The following CHERP variants were observed in gnomAD, a reference collection of about 807,000 sequenced individuals.
CHERP encodes calcium homeostasis endoplasmic reticulum protein, also known as ERPROT 213-21.
In CHERP, 8 loss-of-function variants were observed where a neutral mutation model predicts 113.8. The ratio of observed to expected loss-of-function variants is 0.07; its 90% CI spans 0.04 to 0.13. The LOEUF (loss-of-function observed/expected upper bound fraction) is 0.13. Among genes scored for constraint, CHERP ranks in the 10% least tolerant of loss-of-function variants. CHERP has a pLI of 1.00. For synonymous variants in CHERP, 559 were observed against 524.5 expected (o/e 1.07, Z -0.90); for missense variants, 884 against 1,298.2 (o/e 0.68, Z 4.90).
chr19:16,538,034 G>A lies in CHERP; in HGVS notation c.200-2398C>T, dbSNP rs114707417. On this transcript the variant is annotated intron_variant, in intron 2 of 16. Transcript: ENST00000546361. ...ACAGTTGAGGCCCAGGCTTTAAGGC[G>A]TGGGGTGCAGAACTGGCTGTACTGT... 6.7e-3 allele frequency among the ~76,000 whole-genome samples: 1,022 copies of A among 152,230 alleles called. 11 individuals are homozygous for A. The highest frequency in any genetic ancestry group is 0.022 in the African/African-American group (898 of 41,522).
At position 16,520,676 on chromosome 19, in the gene CHERP, G is replaced by T; in HGVS notation, c.2201+150C>A. 1 of 1,127,566 alleles carries T rather than the reference G, an allele frequency of 8.9e-7. No homozygotes were observed. Among genetic ancestry groups the T allele is most frequent in the Non-Finnish European group, 1.3e-6 (1 of 765,882 alleles). 69.8% of individuals were successfully genotyped at this position (1,127,566 alleles called of 1,614,324 possible). A position where few individuals can be genotyped will look rare whatever the true frequency, so the allele number is the denominator to read the frequency against. On this transcript the variant is annotated intron_variant, in intron 13 of 16. Coordinates refer to ENST00000546361, the MANE Select transcript of CHERP (RefSeq NM_006387.6). This position sits in a 1 kb window ranked among gnomAD's most constrained non-coding sequence, Gnocchi z 4.0. Reference sequence around the variant, plus strand: ...CCTAAATAGTGTGGCCGAGCCTGCTGCTGTGTGAATTCAGGCCTTGTGGAA... The same window carrying T: ...CCTAAATAGTGTGGCCGAGCCTGCTTCTGTGTGAATTCAGGCCTTGTGGAA...
rs1385149515 is a variant in CHERP at position 16,519,129 on chromosome 19, G to A, written c.*30C>T. 2.5e-6 allele frequency: 4 copies of A among 1,597,446 alleles called. No individual in the cohort carries two copies. Among genetic ancestry groups the A allele is most frequent in the African/African-American group, 1.3e-5 (1 of 74,626 alleles). On this transcript the variant is annotated 3_prime_UTR_variant, in exon 17 of 17. Transcript: ENST00000546361. This position sits in a 1 kb window ranked among gnomAD's most constrained non-coding sequence, Gnocchi z 6.0. ...GGAAGGTCCCACAGCCGGCACCGCT[G>A]GCCACCGGCGCGGCTCCCGGCATGG...
rs771814785 is a variant in CHERP, at chr19:16,530,951, G to C, written c.675-71C>G. ...CCGGCCACGCGCCCGTTACCATCGC[G>C]GCTCCAGCCTCAGCGCCCTCTGCCT... On this transcript the variant is annotated intron_variant, in intron 5 of 16. Coordinates refer to ENST00000546361, the MANE Select transcript of CHERP (RefSeq NM_006387.6). This position sits in a 1 kb window ranked among gnomAD's most constrained non-coding sequence, Gnocchi z 4.1. The C allele has an allele frequency of 3.8e-6, 6 of 1,571,506 alleles. No homozygotes were observed. Among genetic ancestry groups the C allele is most frequent in the Non-Finnish European group, 5.2e-6 (6 of 1,162,492 alleles).
At position 16,525,982 on chromosome 19, in the gene CHERP, G is replaced by A. The variant is rs755966424; in HGVS notation, c.1306-305C>T. Among the ~76,000 whole-genome samples, 1 of 152,200 alleles carries A rather than the reference G, an allele frequency of 6.6e-6. No homozygotes were observed. The highest frequency in any genetic ancestry group is 1.5e-5 in the Non-Finnish European group (1 of 68,016). On this transcript the variant is annotated intron_variant, in intron 9 of 16. Coordinates refer to ENST00000546361, the MANE Select transcript of CHERP (RefSeq NM_006387.6). The surrounding 1 kb of genome is among the most constrained non-coding windows in gnomAD (Gnocchi z 6.5). Reference sequence around the variant, plus strand: ...CCGCCCGCGCCACAAGGTGCTCCCCGCTACCACTGCCAGACAAACGCCAGC... The same window carrying A: ...CCGCCCGCGCCACAAGGTGCTCCCCACTACCACTGCCAGACAAACGCCAGC...
chr19:16,527,304 C>A (rs760854376), intron 9 of CHERP, among the ~76,000 whole-genome samples: 3 of 152,232 alleles, frequency 2.0e-5, no homozygotes, highest in Non-Finnish European at 4.4e-5. Context: ...GAGGTGGGAG[C>A]TGTCTTTATG....
chr19:16,531,669 C>T (rs1004255661), intron 5 of CHERP, among the ~76,000 whole-genome samples: 5 of 152,184 alleles, frequency 3.3e-5, no homozygotes, highest in South Asian at 2.1e-4. Context: ...ACTGTGCATC[C>T]GTGCAAGGCA....
rs553682943 is a variant in CHERP at position 16,523,930 on chromosome 19, C to G, written c.1742-640G>C. ...AGCAATAAATGTGCCAAGCGGTCTTCAAGCTGCATTTATAATCAGAAATGT... is the reference window on the plus strand; with the variant it reads ...AGCAATAAATGTGCCAAGCGGTCTTGAAGCTGCATTTATAATCAGAAATGT... On this transcript the variant is annotated intron_variant, in intron 10 of 16. Coordinates refer to ENST00000546361, the MANE Select transcript of CHERP (RefSeq NM_006387.6). This position sits in a 1 kb window ranked among gnomAD's most constrained non-coding sequence, Gnocchi z 4.0. Among the ~76,000 whole-genome samples, 8 of 152,362 alleles carry G rather than the reference C, an allele frequency of 5.3e-5. No individual in the cohort carries two copies. The highest frequency in any genetic ancestry group is 1.0e-4 in the Non-Finnish European group (7 of 68,042).
Position 16,523,360 on chromosome 19 carries a change from G to C in CHERP, c.1742-70C>G. On this transcript the variant is annotated intron_variant, in intron 10 of 16. Transcript: ENST00000546361. The surrounding 1 kb of genome is among the most constrained non-coding windows in gnomAD (Gnocchi z 4.0). The stretch of plus-strand genomic sequence containing the variant: ...CTCCCAGGCGACAAGTGCTGGAGGG[G>C]AGGGGCTCAGTGAAGGGCCAGGAGA... 5 of 1,571,684 alleles carry C rather than the reference G, an allele frequency of 3.2e-6. No homozygotes were observed. Among genetic ancestry groups the C allele is most frequent in the Non-Finnish European group, 4.3e-6 (5 of 1,157,832 alleles).
chr19:16,522,923 G>A (rs2085630037), intron 11 of CHERP, 129 bp downstream of exon 11: 2 of 1,091,442 alleles, frequency 1.8e-6, no homozygotes, highest in Non-Finnish European at 1.3e-6. Flanking sequence ...ACGGATCAGG[G>A]TCCCTAGGGA....
Position 16,519,272 on chromosome 19 carries a change from A to G in CHERP, c.2638T>C (p.Trp880Arg). The part of the protein sequence containing the change: ...PIKGGDVRDK[W>R]DQYKGVGVAL... ...ACGCCCACGCCTTTATACTGGTCCC[A>G]CTTATCCCGGACGTCCCCGCCCTTG... Residue 880 changes from tryptophan to arginine, a missense_variant, in exon 17 of 17, where the codon TGG becomes CGG. Physicochemically the swap from Trp to Arg is moderately radical, Grantham distance 101 (BLOSUM62 -3). Around this residue, in one of 8 missense-constraint regions of CHERP, gnomAD observed 42 missense variants for 105.1 expected, o/e 0.40. Coordinates refer to ENST00000546361, the MANE Select transcript of CHERP (RefSeq NM_006387.6). This position sits in a 1 kb window ranked among gnomAD's most constrained non-coding sequence, Gnocchi z 6.0. The G allele has an allele frequency of 6.2e-7, 1 of 1,613,972 alleles. No individual in the cohort carries two copies. The highest frequency in any genetic ancestry group is 8.5e-7 in the Non-Finnish European group (1 of 1,180,010).
Position 16,532,916 on chromosome 19 carries a change from A to C in CHERP, c.522+95T>G. 6.6e-7 allele frequency: 1 copy of C among 1,518,772 alleles called. No individual in the cohort carries two copies. Among genetic ancestry groups the C allele is most frequent in the South Asian group, 1.2e-5 (1 of 80,116 alleles). The allele number at this position is 1,518,772 out of a possible 1,614,324, so 94.1% of individuals were successfully genotyped here. On this transcript the variant is annotated intron_variant, in intron 4 of 16. Transcript: ENST00000546361. The surrounding 1 kb of genome is among the most constrained non-coding windows in gnomAD (Gnocchi z 4.4). ...CTCCAGGCGGGAGGGAAGGGCACCCATTGTAACAGCCCTTAGCCCAGATTG... is the reference window on the plus strand; with the variant it reads ...CTCCAGGCGGGAGGGAAGGGCACCCCTTGTAACAGCCCTTAGCCCAGATTG...
At chr19:16,537,607 GT>G (rs1285071054) in intron 2 of CHERP, among the ~76,000 whole-genome samples, 3 of 152,062 alleles carry the variant, frequency 2.0e-5, no homozygotes, top group Non-Finnish European at 4.4e-5. Flanking sequence ...CAGGCCAGAA[GT>G]AGCATGTGCC....
chr19:16,536,132 C>G (rs555597926), intron 2 of CHERP, among the ~76,000 whole-genome samples: 8 of 152,278 alleles, frequency 5.3e-5, no homozygotes, highest in African/African-American at 1.9e-4. Context: ...AAGCCGCACC[C>G]CCGAGCGCAC....
Position 16,530,936 on chromosome 19 carries a change from G to C in CHERP, c.675-56C>G, listed in dbSNP as rs555376586. On this transcript the variant is annotated intron_variant, in intron 5 of 16. Coordinates refer to ENST00000546361, the MANE Select transcript of CHERP (RefSeq NM_006387.6). The surrounding 1 kb of genome is among the most constrained non-coding windows in gnomAD (Gnocchi z 4.1). Reference sequence around the variant, plus strand: ...GCCCTGGGGCGGGACCCGGCCACGCGCCCGTTACCATCGCGGCTCCAGCCT... The same window carrying C: ...GCCCTGGGGCGGGACCCGGCCACGCCCCCGTTACCATCGCGGCTCCAGCCT... The C allele has an allele frequency of 3.1e-6, 5 of 1,589,524 alleles. No homozygotes were observed. In the Admixed American group the frequency reaches 8.5e-5, roughly 27 times the overall value.
In CHERP at chr19:16,525,501, G is replaced by A. The variant is rs984754407; in HGVS notation, c.1482C>T (p.Gly494=). ...PDAAWNSQFE[G]PWNSQHEQPP... is the part of the protein sequence containing the mutation. ...GCTGCTCGTGCTGGCTGTTCCAGGG[G>A]CCCTCGAACTGGCTGTTCCAGGCGG... The change falls in exon 10 of 17, where the codon GGC becomes GGT. Residue 494 remains glycine, a synonymous_variant. Transcript: ENST00000546361. This position sits in a 1 kb window ranked among gnomAD's most constrained non-coding sequence, Gnocchi z 6.5. 5 of 1,552,898 alleles carry A rather than the reference G, an allele frequency of 3.2e-6. No individual in the cohort carries two copies. Among genetic ancestry groups the A allele is most frequent in the African/African-American group, 2.7e-5 (2 of 73,250 alleles).
At chr19:16,527,669 C>T (rs181501884) in intron 9 of CHERP, among the ~76,000 whole-genome samples, 8 of 152,338 alleles carry the variant, frequency 5.3e-5, no homozygotes, top group Admixed American at 3.9e-4. Flanking sequence ...AGGGGCAACA[C>T]GGCTGACATT....
intron 10 of CHERP, among the ~76,000 whole-genome samples, chr19:16,524,425 G>T (rs528334825): frequency 1.3e-5 from 2 of 151,576 alleles, no homozygotes; most frequent in Non-Finnish European, 2.9e-5. Context: ...GCATGGTGGC[G>T]CACACCTGTA....
Position 16,520,103 on chromosome 19 carries a change from G to C in CHERP, c.2462+46C>G, listed in dbSNP as rs138855076. 7.6e-6 allele frequency: 12 copies of C among 1,573,584 alleles called. No individual in the cohort carries two copies. The highest frequency in any genetic ancestry group is 2.7e-5 in the African/African-American group (2 of 73,980). On this transcript the variant is annotated intron_variant, in intron 15 of 16. Coordinates refer to ENST00000546361, the MANE Select transcript of CHERP (RefSeq NM_006387.6). The surrounding 1 kb of genome is among the most constrained non-coding windows in gnomAD (Gnocchi z 4.0). Reference sequence around the variant, plus strand: ...GTTTCCACATTCACAGCAAAGCACCGCAGCTTCCCAGAGTTACCAGCGCAG... The same window carrying C: ...GTTTCCACATTCACAGCAAAGCACCCCAGCTTCCCAGAGTTACCAGCGCAG...
At chr19:16,527,511 C>T (rs927872497) in intron 9 of CHERP, among the ~76,000 whole-genome samples, 3 of 152,216 alleles carry the variant, frequency 2.0e-5, no homozygotes, top group Non-Finnish European at 2.9e-5. Flanking sequence ...GAAAGTCACG[C>T]CCTGGAAGAC....
Sources: gnomAD v4.1 joint callset for allele counts (sites outside exome capture counted in the v4.1 genomes callset) on GRCh38, gnomAD v4.1.1 for gene constraint, gnomAD v4.1.1 regional missense constraint, Gnocchi (gnomAD v3.1) non-coding constraint, MANE v1.5 for transcripts, NCBI Gene and HGNC (gene_info 2026-07-23, HGNC 2026-07-21) for gene names.